The following NXPH1 variants were observed in gnomAD, a reference collection of about 807,000 sequenced individuals.
NXPH1 encodes neurexophilin-1.
A neutral mutation model predicts 23.7 loss-of-function variants in NXPH1; 5 were observed. The observed-to-expected ratio is 0.21, with a 90% CI of 0.11 to 0.44. NXPH1 has a LOEUF of 0.44. Among genes scored for constraint, NXPH1 ranks in the 20% least tolerant of loss-of-function variants. The pLI, the probability that NXPH1 is intolerant of heterozygous loss-of-function variation, is 0.99. For missense variants in NXPH1, 324 were observed against 321.6 expected, an observed-to-expected ratio of 1.01 and a Z score of -0.06; for synonymous variants, 144 against 122.2, an observed-to-expected ratio of 1.18 and a Z score of -1.18.
At chr7:8,603,771 A>G (rs1036020163) in intron 2 of NXPH1, among the ~76,000 whole-genome samples, 2 of 152,012 alleles carry the variant, frequency 1.3e-5, no homozygotes, top group Non-Finnish European at 2.9e-5. Context: ...CTTTCACCAC[A>G]CTGTGTAATC....
intron 2 of NXPH1, among the ~76,000 whole-genome samples, chr7:8,746,901 T>C (rs893236081): frequency 2.0e-5 from 3 of 151,896 alleles, no homozygotes; most frequent in African/African-American, 7.3e-5. Context: ...TTTGTGGTTA[T>C]ATTGAAGGGA....
intron 2 of NXPH1, among the ~76,000 whole-genome samples, chr7:8,732,518 C>T (rs139319638): frequency 6.6e-6 from 1 of 152,140 alleles, no homozygotes; most frequent in Non-Finnish European, 1.5e-5. Flanking sequence ...ACATATAGAA[C>T]ACTTCTCTCT....
rs1297146335 is a variant in NXPH1 at position 8,655,431 on chromosome 7, T to G, written c.55-95577T>G. On this transcript the variant is annotated intron_variant, in intron 2 of 2. Coordinates refer to ENST00000405863, the MANE Select transcript of NXPH1 (RefSeq NM_152745.3). ...CTCTCTCTCTCTCTCTCTCTCTCTC[T>G]CTCTCTCTCTCTCTCTCTATACACA... 5.3e-4 allele frequency among the ~76,000 whole-genome samples: 29 copies of G among 54,936 alleles called. 1 individual carries two copies. Among genetic ancestry groups the G allele is most frequent in the South Asian group, 5.0e-3 (4 of 800 alleles). 36.0% of individuals were successfully genotyped at this position (54,936 alleles called of 152,430 possible).
At chr7:8,451,929 A>G (rs1248375118) in intron 2 of NXPH1, among the ~76,000 whole-genome samples, 1 of 152,170 alleles carries the variant, frequency 6.6e-6, no homozygotes, top group Non-Finnish European at 1.5e-5. Flanking sequence ...CATAGGGTTC[A>G]CCATGGTATG....
intron 2 of NXPH1, among the ~76,000 whole-genome samples, chr7:8,626,398 T>TTTA (rs1819989935): frequency 1.3e-5 from 2 of 151,948 alleles, no homozygotes; most frequent in Admixed American, 6.6e-5. Flanking sequence ...TTTTTTTTTT[T>TTTA]TGGCAACTTC....
chr7:8,459,495 A>C (rs1423303871), intron 2 of NXPH1, among the ~76,000 whole-genome samples: 2 of 152,208 alleles, frequency 1.3e-5, no homozygotes, highest in Non-Finnish European at 2.9e-5. Flanking sequence ...AGAGTTTAAA[A>C]ATGTTAAACT....
At chr7:8,465,847 G>T (rs1816778785) in intron 2 of NXPH1, among the ~76,000 whole-genome samples, 1 of 152,192 alleles carries the variant, frequency 6.6e-6, no homozygotes, top group Non-Finnish European at 1.5e-5. Context: ...AGAAGTGATG[G>T]TGTTGGCATG....
chr7:8,578,928 C>T (rs1201202842), intron 2 of NXPH1, among the ~76,000 whole-genome samples: 1 of 152,184 alleles, frequency 6.6e-6, no homozygotes, highest in Non-Finnish European at 1.5e-5. Context: ...AAGCCTGAGT[C>T]AGGATACAAC....
intron 2 of NXPH1, among the ~76,000 whole-genome samples, chr7:8,531,779 T>C (rs569777632): frequency 9.5e-4 from 145 of 152,310 alleles, no homozygotes; most frequent in African/African-American, 3.1e-3. Context: ...CAATGACTTC[T>C]CTTAAATAAT....
intron 2 of NXPH1, among the ~76,000 whole-genome samples, chr7:8,465,395 C>T (rs1268711710): frequency 6.6e-6 from 1 of 152,120 alleles, no homozygotes; most frequent in Admixed American, 6.5e-5. Context: ...GGATTAATTA[C>T]CTTTTATAAG....
chr7:8,446,574 G>A (rs935817572), intron 2 of NXPH1, among the ~76,000 whole-genome samples: 1 of 152,134 alleles, frequency 6.6e-6, no homozygotes, highest in African/African-American at 2.4e-5. Context: ...ATAAAAATGA[G>A]GCTTTTTGAA....
Position 8,435,331 on chromosome 7 carries a change from A to T in NXPH1, c.-110-273A>T, listed in dbSNP as rs1816171638. The T allele has an allele frequency of 3.0e-6, 1 of 331,102 alleles. No individual in the cohort carries two copies. Among genetic ancestry groups the T allele is most frequent in the Non-Finnish European group, 5.7e-6 (1 of 175,854 alleles). 20.5% of individuals were successfully genotyped at this position (331,102 alleles called of 1,614,324 possible). On this transcript the variant is annotated intron_variant, in intron 1 of 2. Coordinates refer to ENST00000405863, the MANE Select transcript of NXPH1 (RefSeq NM_152745.3). This position sits in a 1 kb window ranked among gnomAD's most constrained non-coding sequence, Gnocchi z 5.9. ...CTCCGAACCAGCCTGCACGCGGCTC[A>T]GTGTGCTCCGCCGCCTGGGAACTCG... is the stretch of plus-strand genomic sequence containing the variant.
chr7:8,675,840 A>G (rs1681553461), intron 2 of NXPH1, among the ~76,000 whole-genome samples: 1 of 152,176 alleles, frequency 6.6e-6, no homozygotes, highest in South Asian at 2.1e-4. Context: ...GCCATTTATA[A>G]TGTGTAAATG....
At chr7:8,699,096 G>C (rs1015664057) in intron 2 of NXPH1, among the ~76,000 whole-genome samples, 8 of 151,860 alleles carry the variant, frequency 5.3e-5, no homozygotes, top group African/African-American at 1.7e-4. Flanking sequence ...AAATTTTTTT[G>C]GTCCATTATA....
At chr7:8,608,254 G>C (rs1188105367) in intron 2 of NXPH1, among the ~76,000 whole-genome samples, 1 of 152,030 alleles carries the variant, frequency 6.6e-6, no homozygotes, top group African/African-American at 2.4e-5. Context: ...GAAGTGATCA[G>C]CTGTTCTCAG....
At chr7:8,514,479 C>T (rs761979980) in intron 2 of NXPH1, among the ~76,000 whole-genome samples, 6 of 152,110 alleles carry the variant, frequency 3.9e-5, no homozygotes, top group Non-Finnish European at 7.4e-5. Flanking sequence ...AAGCATTTGG[C>T]TTTTGCCCAA....
chr7:8,751,067 C>T lies in NXPH1; in HGVS notation c.114C>T (p.Ser38=), dbSNP rs1780556774. ...CAGAACTTCTGAAATCAGGAAGCAG[C>T]AAATCCACACTAAAGCACATATGGA... The part of the protein sequence containing the change: ...GKSELLKSGS[S]KSTLKHIWTE... Residue 38 remains serine (S), a synonymous_variant, in exon 3 of 3, where the codon AGC becomes AGT. Transcript: ENST00000405863. This position sits in a 1 kb window ranked among gnomAD's most constrained non-coding sequence, Gnocchi z 4.5. 1.2e-6 allele frequency: 2 copies of T among 1,613,792 alleles called. No homozygotes were observed. Among genetic ancestry groups the T allele is most frequent in the Non-Finnish European group, 8.5e-7 (1 of 1,179,762 alleles).
At chr7:8,458,371 A>T (rs1474605101) in intron 2 of NXPH1, among the ~76,000 whole-genome samples, 1 of 152,222 alleles carries the variant, frequency 6.6e-6, no homozygotes, top group Non-Finnish European at 1.5e-5. Flanking sequence ...TAATTAACAC[A>T]TTGATAGAGA....
intron 2 of NXPH1, among the ~76,000 whole-genome samples, chr7:8,460,813 A>C (rs1377920550): frequency 2.6e-5 from 4 of 152,206 alleles, no homozygotes; most frequent in African/African-American, 9.7e-5. Context: ...AAAATTATTC[A>C]ACAACAGTCA....
Sources: allele counts gnomAD v4.1 joint callset (sites outside exome capture counted in the v4.1 genomes callset), GRCh38; gene constraint gnomAD v4.1.1; non-coding constraint Gnocchi (gnomAD v3.1); transcripts MANE v1.5; gene names NCBI Gene and HGNC (gene_info 2026-07-23, HGNC 2026-07-21).